METTL15: variants seen among roughly 807,000 people sequenced by gnomAD.
METTL15 encodes the protein 12S rRNA N(4)-cytidine methyltransferase METTL15.
METTL15 carries 34 observed loss-of-function variants against 38.3 expected under a neutral mutation model. The ratio of observed to expected loss-of-function variants is 0.89; its 90% CI spans 0.68 to 1.18. The LOEUF is 1.18. METTL15 is among the 50% of genes most tolerant of loss of function. The pLI, the probability that METTL15 is intolerant of heterozygous loss-of-function variation, is 0.00. For synonymous variants in METTL15, 162 were observed against 170.9 expected, an observed-to-expected ratio of 0.95 and a Z score of 0.41; for missense variants, 438 against 498.4, an observed-to-expected ratio of 0.88 and a Z score of 1.15.
At chr11:28,375,962 T>C (rs1850306394) in intron 5 of METTL15, among the ~76,000 whole-genome samples, 1 of 152,140 alleles carries the variant, frequency 6.6e-6, no homozygotes, top group South Asian at 2.1e-4. Flanking sequence ...TCAGTTTCCA[T>C]GTAGTTGAGT....
intron 2 of METTL15, among the ~76,000 whole-genome samples, chr11:28,112,917 C>T (rs1467013440): frequency 1.3e-5 from 2 of 152,022 alleles, no homozygotes; most frequent in African/African-American, 2.4e-5. Flanking sequence ...ACTTTTAATC[C>T]GTTCAGTCAT....
chr11:28,494,278 A>G (rs1851519208), intron 6 of METTL15, among the ~76,000 whole-genome samples: 1 of 152,106 alleles, frequency 6.6e-6, no homozygotes, highest in Non-Finnish European at 1.5e-5. Flanking sequence ...TTAATTATCT[A>G]CTGTCATTTG....
At chr11:28,265,256 C>T (rs1318697046) in intron 4 of METTL15, among the ~76,000 whole-genome samples, 6 of 151,348 alleles carry the variant, frequency 4.0e-5, no homozygotes, top group South Asian at 2.1e-4. Flanking sequence ...ACACTTCTCC[C>T]GCCCTTTCTG....
intron 6 of METTL15, among the ~76,000 whole-genome samples, chr11:28,515,281 T>C (rs932262460): frequency 6.6e-6 from 1 of 152,202 alleles, no homozygotes; most frequent in African/African-American, 2.4e-5. Context: ...ATCCTGAACT[T>C]ATAAACCTTG....
chr11:28,508,961 A>T (rs913058950), intron 6 of METTL15, among the ~76,000 whole-genome samples: 1 of 152,242 alleles, frequency 6.6e-6, no homozygotes, highest in Non-Finnish European at 1.5e-5. Flanking sequence ...AGACTGACCA[A>T]CGTAGTGCAT....
chr11:28,246,414 G>A (rs1854515197), intron 4 of METTL15, among the ~76,000 whole-genome samples: 1 of 151,984 alleles, frequency 6.6e-6, no homozygotes, highest in African/African-American at 2.4e-5. Context: ...CATAATAAAT[G>A]GAACTCTTAG....
chr11:28,344,511 C>G (rs971218468), intron 3 of METTL15, among the ~76,000 whole-genome samples: 3 of 152,190 alleles, frequency 2.0e-5, no homozygotes, highest in Admixed American at 2.0e-4. Context: ...AACTCCTGTA[C>G]TAGAGAAACT....
chr11:28,292,338 T>G (rs577610373), intron 5 of METTL15, among the ~76,000 whole-genome samples: 1 of 151,896 alleles, frequency 6.6e-6, no homozygotes, highest in Non-Finnish European at 1.5e-5. Flanking sequence ...TATAGTTTGC[T>G]GAGAATGATG....
intron 6 of METTL15, among the ~76,000 whole-genome samples, chr11:28,491,586 G>A (rs998327839): frequency 1.3e-5 from 2 of 152,054 alleles, no homozygotes; most frequent in Admixed American, 1.3e-4. Context: ...GAATATGGCA[G>A]GTCACTCTTG....
intron 3 of METTL15, among the ~76,000 whole-genome samples, chr11:28,157,521 C>T (rs1262242149): frequency 2.0e-5 from 3 of 152,182 alleles, no homozygotes; most frequent in Non-Finnish European, 4.4e-5. Context: ...TAACTACTCC[C>T]CTTTTGAGAG....
intron 3 of METTL15, among the ~76,000 whole-genome samples, chr11:28,128,380 G>C (rs1033672252): frequency 6.6e-6 from 1 of 151,996 alleles, no homozygotes; most frequent in African/African-American, 2.4e-5. Flanking sequence ...TCAATATAAT[G>C]CTAGAAATTG....
intron 5 of METTL15, among the ~76,000 whole-genome samples, chr11:28,365,342 C>T (rs1850175370): frequency 6.6e-6 from 1 of 152,126 alleles, no homozygotes; most frequent in South Asian, 2.1e-4. Context: ...AATACTGATT[C>T]AATTTCTGAA....
chr11:28,252,210 T>C (rs1854774354), intron 4 of METTL15, among the ~76,000 whole-genome samples: 1 of 152,036 alleles, frequency 6.6e-6, no homozygotes, highest in Non-Finnish European at 1.5e-5. Context: ...ATAAAATGTA[T>C]GTGAAGTTAT....
intron 6 of METTL15, among the ~76,000 whole-genome samples, chr11:28,498,119 C>T (rs1851551281): frequency 6.6e-6 from 1 of 151,564 alleles, no homozygotes; most frequent in Admixed American, 6.6e-5. Context: ...GACTTAATCA[C>T]TTCCCCCAAA....
chr11:28,346,169 C>A (rs1249715857), intron 3 of METTL15, among the ~76,000 whole-genome samples: 1 of 152,102 alleles, frequency 6.6e-6, no homozygotes, highest in African/African-American at 2.4e-5. Context: ...GAAATTTAAG[C>A]ACCAGTTTTT....
At chr11:28,221,386 T>C (rs1243912626) in intron 4 of METTL15, among the ~76,000 whole-genome samples, 3 of 152,172 alleles carry the variant, frequency 2.0e-5, no homozygotes, top group Admixed American at 6.5e-5. Context: ...GTTACGCAGT[T>C]CTCGTGCCAT....
chr11:28,326,491 ATTATTTTTTCTTAT>A (rs1849638064), intron 6 of METTL15, among the ~76,000 whole-genome samples: 5 of 151,926 alleles, frequency 3.3e-5, no homozygotes, highest in African/African-American at 1.2e-4. Context: ...TTGTGGTTGG[ATTATTTTTTCTTAT>A]CCATGTGTCC....
chr11:28,514,089 C>A (rs1851699615), intron 6 of METTL15, among the ~76,000 whole-genome samples: 2 of 152,184 alleles, frequency 1.3e-5, no homozygotes, highest in South Asian at 4.1e-4. Flanking sequence ...ATTATCTTCC[C>A]AGATCCATTC....
intron 5 of METTL15, among the ~76,000 whole-genome samples, chr11:28,372,101 TCAGTACA>T (rs1178225403): frequency 1.3e-5 from 2 of 152,094 alleles, no homozygotes; most frequent in Non-Finnish European, 2.9e-5. Flanking sequence ...AGTTCCCTGT[TCAGTACA>T]ATGTTAGTTG....
Sources: allele counts gnomAD v4.1 joint callset (sites outside exome capture counted in the v4.1 genomes callset), GRCh38; gene constraint gnomAD v4.1.1; transcripts MANE v1.5; gene names NCBI Gene and HGNC (gene_info 2026-07-23, HGNC 2026-07-21).